The following HHLA2 variants were observed in gnomAD, a reference collection of about 807,000 sequenced individuals.
HHLA2 encodes HHLA2 member of B7 family, also known as HERV-H LTR-associating protein 2.
A neutral mutation model predicts 45.9 loss-of-function variants in HHLA2; 48 were observed. The observed-to-expected ratio is 1.05, with a 90% CI of 0.83 to 1.33. The LOEUF is 1.33. Ranked by LOEUF, HHLA2 falls within the 40% of genes most tolerant of loss-of-function variation. The pLI, the probability that HHLA2 is intolerant of heterozygous loss-of-function variation, is 0.00. For missense variants in HHLA2, 462 were observed against 494.3 expected (o/e 0.93, Z 0.62); for synonymous variants, 161 against 173.9 (o/e 0.93, Z 0.59).
chr3:108,308,018 C>T (rs2080958635), intron 1 of HHLA2, among the ~76,000 whole-genome samples: 1 of 152,100 alleles, frequency 6.6e-6, no homozygotes. Context: ...ACAAATAATT[C>T]AATTACACTC....
chr3:108,331,049 G>T (rs576055240), intron 3 of HHLA2, among the ~76,000 whole-genome samples: 1 of 152,250 alleles, frequency 6.6e-6, no homozygotes, highest in South Asian at 2.1e-4. Context: ...GTCTACAGCT[G>T]CCGCAGTTTA....
rs567975437 is a variant in HHLA2, at chr3:108,359,844, T to C, written c.1003+1683T>C. 2.0e-5 allele frequency among the ~76,000 whole-genome samples: 3 copies of C among 152,316 alleles called. No homozygotes were observed. In the East Asian group the frequency reaches 5.8e-4, roughly 29 times the overall value. Reference sequence around the variant, plus strand: ...AAGACCCCCAGTGGATGCCTGAAACTATGGACAGTACTAAACCCTATATAT... The same window carrying C: ...AAGACCCCCAGTGGATGCCTGAAACCATGGACAGTACTAAACCCTATATAT... On this transcript the variant is annotated intron_variant, in intron 7 of 10. Transcript: ENST00000619531.
At chr3:108,341,524 T>C (rs1328118572) in intron 3 of HHLA2, among the ~76,000 whole-genome samples, 3 of 152,212 alleles carry the variant, frequency 2.0e-5, no homozygotes, top group African/African-American at 7.2e-5. Flanking sequence ...CATTTTACAT[T>C]ACTCTGTTAA....
exon 11 of HHLA2, chr3:108,377,481 G>T (rs2082294939): frequency 3.6e-6 from 2 of 560,188 alleles, no homozygotes; most frequent in Non-Finnish European, 3.3e-6. Flanking sequence ...CCCACTACCT[G>T]CATTGAGTAT....
At chr3:108,362,467 C>T in intron 8 of HHLA2, 21 bp downstream of exon 7, 1 of 1,487,664 alleles carries the variant, frequency 6.7e-7, no homozygotes, top group Non-Finnish European at 9.3e-7. Flanking sequence ...AATTTGGGCT[C>T]TGCCCCACGT....
intron 8 of HHLA2, among the ~76,000 whole-genome samples, chr3:108,363,239 C>T (rs2082009023): frequency 6.6e-6 from 1 of 152,092 alleles, no homozygotes; most frequent in African/African-American, 2.4e-5. Context: ...CCACATTTTA[C>T]AGATCAGGAA....
intron 2 of HHLA2, among the ~76,000 whole-genome samples, chr3:108,312,362 A>G (rs923485292): frequency 2.0e-5 from 3 of 152,176 alleles, no homozygotes; most frequent in Non-Finnish European, 4.4e-5. Context: ...CCCTGGCTGG[A>G]CCTTGCAGAC....
intron 1 of HHLA2, among the ~76,000 whole-genome samples, chr3:108,299,873 C>T (rs901641840): frequency 2.6e-5 from 4 of 152,102 alleles, no homozygotes; most frequent in Non-Finnish European, 4.4e-5. Context: ...CAGTGAGATA[C>T]AGAATCCCTA....
In HHLA2 at chr3:108,318,705, A is replaced by C. The variant is rs148209756; in HGVS notation, c.-105+7964A>C. Among the ~76,000 whole-genome samples, 1,380 of 152,282 alleles carry C rather than the reference A, an allele frequency of 9.1e-3. 19 individuals are homozygous for C. Among genetic ancestry groups the C allele is most frequent in the African/African-American group, 0.031 (1,294 of 41,546 alleles). On this transcript the variant is annotated intron_variant, in intron 2 of 10. Transcript: ENST00000619531. ...AAGAAACAATACTAACATTTTACTC[A>C]TGCTGTCAAATATTTTCCTACCCAC...
intron 7 of HHLA2, among the ~76,000 whole-genome samples, chr3:108,359,886 C>A (rs1245412045): frequency 6.6e-6 from 1 of 152,086 alleles, no homozygotes; most frequent in Admixed American, 6.5e-5. Flanking sequence ...CCACATGGTA[C>A]GAGGATTAAT....
chr3:108,368,012 T>C (rs959835488), intron 8 of HHLA2, among the ~76,000 whole-genome samples: 1 of 152,192 alleles, frequency 6.6e-6, no homozygotes, highest in African/African-American at 2.4e-5. Context: ...TGGATATCTC[T>C]GCAGAAACCC....
At chr3:108,363,510 C>T (rs1004109244) in intron 8 of HHLA2, among the ~76,000 whole-genome samples, 11 of 152,116 alleles carry the variant, frequency 7.2e-5, no homozygotes, top group African/African-American at 2.2e-4. Context: ...ATAGCAGAAA[C>T]TATTATTGAA....
At chr3:108,353,173 C>T (rs2081811368) in intron 4 of HHLA2, among the ~76,000 whole-genome samples, 1 of 152,130 alleles carries the variant, frequency 6.6e-6, no homozygotes, top group Admixed American at 6.5e-5. Context: ...GGGCAGCAAA[C>T]CAGTGTTTCT....
intron 6 of HHLA2, among the ~76,000 whole-genome samples, chr3:108,357,101 G>T (rs570792738): frequency 1.3e-5 from 2 of 152,328 alleles, no homozygotes; most frequent in African/African-American, 4.8e-5. Context: ...TAGATCAGAA[G>T]AGGGATTTGA....
chr3:108,345,948 CAT>C (rs1220076807), intron 3 of HHLA2, among the ~76,000 whole-genome samples: 1 of 152,142 alleles, frequency 6.6e-6, no homozygotes, highest in Non-Finnish European at 1.5e-5. Context: ...TTCTGTGGAG[CAT>C]GTCTAGAGAT....
chr3:108,345,343 G>C (rs577318264), intron 3 of HHLA2, among the ~76,000 whole-genome samples: 1 of 152,350 alleles, frequency 6.6e-6, no homozygotes, highest in African/African-American at 2.4e-5. Context: ...ATGTGAGCAG[G>C]TAGCAGCAGC....
At chr3:108,308,531 G>A (rs1576096438) in intron 1 of HHLA2, among the ~76,000 whole-genome samples, 1 of 152,170 alleles carries the variant, frequency 6.6e-6, no homozygotes, top group African/African-American at 2.4e-5. Flanking sequence ...TATATACCCA[G>A]CAGTGGGATT....
intron 7 of HHLA2, among the ~76,000 whole-genome samples, 183 bp downstream of exon 6, chr3:108,358,344 G>A (rs1560260423): frequency 1.3e-5 from 2 of 151,798 alleles, no homozygotes; most frequent in Non-Finnish European, 2.9e-5. Flanking sequence ...CAAAAGTCCT[G>A]TTTTGAAAAA....
At chr3:108,300,557 C>G (rs2080832980) in intron 1 of HHLA2, among the ~76,000 whole-genome samples, 1 of 152,164 alleles carries the variant, frequency 6.6e-6, no homozygotes, top group South Asian at 2.1e-4. Context: ...TAATAAGAAG[C>G]GCTGGTGAAG....
Sources: gnomAD v4.1 joint callset for allele counts (sites outside exome capture counted in the v4.1 genomes callset) on GRCh38, gnomAD v4.1.1 for gene constraint, MANE v1.5 for transcripts, NCBI Gene and HGNC (gene_info 2026-07-23, HGNC 2026-07-21) for gene names.